The following VPS13D variants were observed in gnomAD, a reference collection of about 807,000 sequenced individuals.
VPS13D encodes the protein vacuolar protein sorting 13 homolog D.
VPS13D carries 187 observed loss-of-function variants against 461.9 expected under a neutral mutation model. The ratio of observed to expected loss-of-function variants is 0.40; its 90% CI spans 0.36 to 0.46. The LOEUF is 0.46. VPS13D is among the 20% of genes least tolerant of loss of function. VPS13D has a pLI of 0.60. For missense variants in VPS13D, 4,711 were observed against 5,364.9 expected (o/e 0.88, Z 3.81); for synonymous variants, 1,951 against 1,986.3 (o/e 0.98, Z 0.47).
chr1:12,381,888 G>A (rs954396763), intron 57 of VPS13D, among the ~76,000 whole-genome samples: 1 of 150,722 alleles, frequency 6.6e-6, no homozygotes, highest in Non-Finnish European at 1.5e-5. Context: ...GCTGAAGTCA[G>A]TCAGTCTGTC....
At chr1:12,234,958 C>G (rs1640097864) in intron 2 of VPS13D, among the ~76,000 whole-genome samples, 1 of 152,224 alleles carries the variant, frequency 6.6e-6, no homozygotes, top group African/African-American at 2.4e-5. Context: ...ACATTTTACC[C>G]TTTACAGGCC....
At chr1:12,410,723 A>G (rs1644715732) in intron 63 of VPS13D, among the ~76,000 whole-genome samples, 1 of 152,228 alleles carries the variant, frequency 6.6e-6, no homozygotes, top group Admixed American at 6.5e-5. Context: ...GAAGAAAGAA[A>G]TCTGAACAAA....
At position 12,283,154 on chromosome 1, in the gene VPS13D, A is replaced by G; in HGVS notation, c.5052A>G (p.Lys1684=). The part of the protein sequence containing the change: ...EDLLEKNPDS[K]YKNLMVSRGA... Reference sequence around the variant, plus strand: ...TATTGGAGAAGAATCCAGATTCTAAATATAAGAACCTGATGGTGTCTCGAG... The same window carrying G: ...TATTGGAGAAGAATCCAGATTCTAAGTATAAGAACCTGATGGTGTCTCGAG... The change falls in exon 21 of 70, where the codon AAA becomes AAG. Residue 1684 remains lysine, a synonymous_variant. Coordinates refer to ENST00000620676, the MANE Select transcript of VPS13D (RefSeq NM_015378.4). 1 of 1,614,166 alleles carries G rather than the reference A, an allele frequency of 6.2e-7. No individual in the cohort carries two copies. The highest frequency in any genetic ancestry group is 8.5e-7 in the Non-Finnish European group (1 of 1,180,008).
chr1:12,250,335 C>T (rs552478729), intron 6 of VPS13D, among the ~76,000 whole-genome samples: 2 of 152,274 alleles, frequency 1.3e-5, no homozygotes, highest in South Asian at 4.1e-4. Flanking sequence ...GGGACCCCAA[C>T]AAAAGTCACT....
At chr1:12,485,935 A>G (rs1339010270) in intron 67 of VPS13D, among the ~76,000 whole-genome samples, 1 of 152,220 alleles carries the variant, frequency 6.6e-6, no homozygotes, top group African/African-American at 2.4e-5. Flanking sequence ...CCAAGCTGCC[A>G]GCTCGTGTCC....
intron 63 of VPS13D, 29 bp from the exon 64 acceptor site, chr1:12,415,058 G>A: frequency 6.2e-7 from 1 of 1,612,186 alleles, no homozygotes; most frequent in Non-Finnish European, 8.5e-7. Flanking sequence ...TATGACTTAA[G>A]TATGTCATTT....
At chr1:12,499,441 T>C (rs1389329333) in intron 68 of VPS13D, 1 of 985,168 alleles carries the variant, frequency 1.0e-6, no homozygotes, top group Non-Finnish European at 1.2e-6. Flanking sequence ...TCTATTCAAG[T>C]CGAACTATCT....
At chr1:12,251,646 C>T (rs1242677561) in intron 6 of VPS13D, among the ~76,000 whole-genome samples, 1 of 152,134 alleles carries the variant, frequency 6.6e-6, no homozygotes, top group Admixed American at 6.5e-5. Flanking sequence ...ACTTGAGACA[C>T]TCATAACTTT....
intron 21 of VPS13D, among the ~76,000 whole-genome samples, chr1:12,286,943 C>G (rs1218711355): frequency 6.6e-6 from 1 of 152,182 alleles, no homozygotes; most frequent in Admixed American, 6.5e-5. Context: ...CCACTGCAAC[C>G]TCTACCTCCT....
intron 60 of VPS13D, among the ~76,000 whole-genome samples, chr1:12,396,029 A>T (rs11806784): frequency 0.023 from 2,687 of 118,900 alleles, 207 homozygotes; most frequent in African/African-American, 0.083. Flanking sequence ...ATATATATAT[A>T]GTTCTTTAAG....
intron 14 of VPS13D, 97 bp from the exon 15 acceptor site, chr1:12,267,748 C>T (rs1641315989): frequency 9.3e-7 from 1 of 1,071,620 alleles, no homozygotes; most frequent in Admixed American, 1.8e-5. Context: ...TTTGATGGTG[C>T]TAAGGGAGTG....
Position 12,487,624 on chromosome 1 carries a change from A to AAAG in VPS13D, c.12663-9875_12663-9874insAGA, listed in dbSNP as rs753617310. On this transcript the variant is annotated intron_variant, in intron 67 of 69. Transcript: ENST00000620676. ...AGATTCCATCTCAAAAAAAAAAAAA[A>AAAG]AGCAAACAAATCACAAAGCAGGTCC... 5.2e-4 allele frequency among the ~76,000 whole-genome samples: 79 copies of AAAG among 150,868 alleles called. 3 individuals carry two copies. Among genetic ancestry groups the AAAG allele is most frequent in the Admixed American group, 3.3e-3 (49 of 15,020 alleles).
At chr1:12,484,433 A>G (rs1645769070) in intron 67 of VPS13D, among the ~76,000 whole-genome samples, 1 of 152,272 alleles carries the variant, frequency 6.6e-6, no homozygotes, top group Admixed American at 6.5e-5. Context: ...AATACCTCAC[A>G]TAGTGATGGA....
chr1:12,483,692 C>T (rs761562287), intron 67 of VPS13D, among the ~76,000 whole-genome samples: 4 of 152,142 alleles, frequency 2.6e-5, no homozygotes, highest in South Asian at 2.1e-4. Flanking sequence ...CTTTAGGAAT[C>T]GCTTTGGCAT....
In VPS13D at chr1:12,244,595, C is replaced by A; in HGVS notation, c.425C>A (p.Thr142Lys). The change falls in exon 5 of 70, where the codon ACA becomes AAA. Residue 142 changes from threonine (T) to lysine (K), a missense_variant. Physicochemically the swap from Thr to Lys is moderately conservative, Grantham distance 78 (BLOSUM62 -1). Around this residue, in one of 3 missense-constraint regions of VPS13D, gnomAD observed 4,411 missense variants for 4,937.8 expected, o/e 0.89. Coordinates refer to ENST00000620676, the MANE Select transcript of VPS13D (RefSeq NM_015378.4). ...YWYSVTASVV[T>K]RIVENIELKI... ...TATTCAGTTACCGCCTCCGTAGTTA[C>A]AAGGATTGTGGAGAATATTGAAGTA... 1 of 1,614,162 alleles carries A rather than the reference C, an allele frequency of 6.2e-7. No individual in the cohort carries two copies. The highest frequency in any genetic ancestry group is 8.5e-7 in the Non-Finnish European group (1 of 1,180,010).
chr1:12,414,315 T>C (rs1644768100), intron 63 of VPS13D, among the ~76,000 whole-genome samples: 1 of 152,068 alleles, frequency 6.6e-6, no homozygotes. Context: ...TAATGTTGTT[T>C]ATAGCAGCAT....
At chr1:12,294,927 T>A (rs577306844) in intron 24 of VPS13D, among the ~76,000 whole-genome samples, 29 of 152,054 alleles carry the variant, frequency 1.9e-4, no homozygotes, top group African/African-American at 6.3e-4. Context: ...TTTCCTTTTT[T>A]AAAAAAACTT....
At position 12,283,256 on chromosome 1, in the gene VPS13D, T is replaced by C. The variant is rs752185647; in HGVS notation, c.5154T>C (p.Tyr1718=). 1 of 1,614,134 alleles carries C rather than the reference T, an allele frequency of 6.2e-7. No individual in the cohort carries two copies. Among genetic ancestry groups the C allele is most frequent in the Non-Finnish European group, 8.5e-7 (1 of 1,180,024 alleles). ...GCCCCTCAGTGTCCAATGTGGAATA[T>C]CCTGATATGCCTCGGTCTCTCCCTT... ...QSCPSVSNVE[Y]PDMPRSLPSH... The change falls in exon 21 of 70, where the codon TAT becomes TAC. Residue 1718 remains tyrosine, a synonymous_variant. Coordinates refer to ENST00000620676, the MANE Select transcript of VPS13D (RefSeq NM_015378.4).
chr1:12,311,382 G>A lies in VPS13D; in HGVS notation c.6651-72G>A, dbSNP rs41279456. 12,293 of 1,445,510 alleles carry A rather than the reference G, an allele frequency of 8.5e-3. 69 individuals carry two copies. Among genetic ancestry groups the A allele is most frequent in the Non-Finnish European group, 9.7e-3 (10,518 of 1,080,432 alleles). 89.5% of individuals were successfully genotyped at this position (1,445,510 alleles called of 1,614,324 possible). Reference sequence around the variant, plus strand: ...TAGGTGAGTACATTTTAGCCCCGTTGTTTGGGCGTGAGCTATGTCAGTGTT... The same window carrying A: ...TAGGTGAGTACATTTTAGCCCCGTTATTTGGGCGTGAGCTATGTCAGTGTT... On this transcript the variant is annotated intron_variant, in intron 27 of 69. Coordinates refer to ENST00000620676, the MANE Select transcript of VPS13D (RefSeq NM_015378.4).
Sources: gnomAD v4.1 joint callset for allele counts (sites outside exome capture counted in the v4.1 genomes callset) on GRCh38, gnomAD v4.1.1 for gene constraint, gnomAD v4.1.1 regional missense constraint, MANE v1.5 for transcripts, NCBI Gene and HGNC (gene_info 2026-07-23, HGNC 2026-07-21) for gene names.